DACH2: variants seen among roughly 807,000 people sequenced by gnomAD.
DACH2 encodes the protein dachshund family transcription factor 2.
DACH2 carries 17 observed loss-of-function variants against 35.8 expected under a neutral mutation model. The observed-to-expected ratio is 0.48, with a 90% CI of 0.33 to 0.71. DACH2 has a LOEUF of 0.71. Among genes scored for constraint, DACH2 ranks in the 30% least tolerant of loss-of-function variants. The pLI is 0.02. For synonymous variants in DACH2, 195 were observed against 177.3 expected (o/e 1.10, Z -0.79); for missense variants, 469 against 472.7 (o/e 0.99, Z 0.07).
chrX:86,784,279 A>G (rs754726920), intron 7 of DACH2, among the ~76,000 whole-genome samples: 1 of 102,437 alleles, frequency 9.8e-6, no homozygotes, highest in East Asian at 3.5e-4. Context: ...AGATTAAGAA[A>G]CCAAAAACAA....
chrX:86,756,138 T>C (rs2041826858), intron 7 of DACH2, among the ~76,000 whole-genome samples: 2 of 111,488 alleles, frequency 1.8e-5, no homozygotes, highest in Admixed American at 9.6e-5. Flanking sequence ...TTGGCTACTA[T>C]AGCCTTGTAA....
chrX:86,263,838 T>A lies in DACH2; in HGVS notation c.489-112986T>A, dbSNP rs766835407. ...GGTAGAAACCCAGACTGGGACCTTT[T>A]TTAAGGCATGCAGAAAACAATTAGG... On this transcript the variant is annotated intron_variant, in intron 1 of 11. Coordinates refer to ENST00000373125, the MANE Select transcript of DACH2 (RefSeq NM_053281.3). Among the ~76,000 whole-genome samples, 15 of 111,973 alleles carry A rather than the reference T, an allele frequency of 1.3e-4. No homozygotes were observed. In the Admixed American group the frequency reaches 1.4e-3, roughly 11 times the overall value.
At chrX:86,355,665 A>G (rs745576375) in intron 1 of DACH2, among the ~76,000 whole-genome samples, 21 of 111,544 alleles carry the variant, frequency 1.9e-4, no homozygotes, top group Non-Finnish European at 3.4e-4. Flanking sequence ...AGTAGCTGGG[A>G]CTACAGGTGC....
chrX:86,426,201 G>T (rs987732104), intron 2 of DACH2, among the ~76,000 whole-genome samples: 1 of 111,186 alleles, frequency 9.0e-6, no homozygotes, highest in Non-Finnish European at 1.9e-5. Flanking sequence ...TAGTATTAAA[G>T]TTGTCACTGC....
chrX:86,388,660 T>A (rs2036156320), intron 2 of DACH2, among the ~76,000 whole-genome samples: 1 of 111,864 alleles, frequency 8.9e-6, no homozygotes, highest in African/African-American at 3.2e-5. Context: ...ATTCTAGGCT[T>A]TGGGATTAGT....
intron 1 of DACH2, among the ~76,000 whole-genome samples, chrX:86,216,910 C>T (rs759352265): frequency 1.8e-5 from 2 of 110,308 alleles, no homozygotes; most frequent in East Asian, 2.9e-4. Context: ...GCCTGGCCAA[C>T]GTAGCGAAAC....
chrX:86,538,525 G>C (rs921328461), intron 3 of DACH2, among the ~76,000 whole-genome samples: 5 of 111,755 alleles, frequency 4.5e-5, no homozygotes, highest in African/African-American at 9.8e-5. Flanking sequence ...GGTAATTTAT[G>C]ATGAGCAGAA....
At chrX:86,792,557 A>G (rs140532202) in intron 7 of DACH2, among the ~76,000 whole-genome samples, 5 of 111,584 alleles carry the variant, frequency 4.5e-5, no homozygotes, top group African/African-American at 1.6e-4. Flanking sequence ...GCCTCTGATA[A>G]CTATCATTCT....
intron 2 of DACH2, among the ~76,000 whole-genome samples, chrX:86,419,008 A>G (rs1202084261): frequency 9.0e-6 from 1 of 111,372 alleles, no homozygotes; most frequent in Non-Finnish European, 1.9e-5. Flanking sequence ...AAAACATAAC[A>G]AGGGTTGCCT....
chrX:86,361,502 C>T (rs2035739151), intron 1 of DACH2, among the ~76,000 whole-genome samples: 1 of 111,022 alleles, frequency 9.0e-6, no homozygotes, highest in Non-Finnish European at 1.9e-5. Context: ...GTAAGGTTAT[C>T]ATTCATTCTG....
At chrX:86,434,370 CT>C (rs1409626082) in intron 2 of DACH2, among the ~76,000 whole-genome samples, 2 of 111,226 alleles carry the variant, frequency 1.8e-5, no homozygotes, top group African/African-American at 6.5e-5. Flanking sequence ...TAAAGTGTAC[CT>C]TTTTAAAATG....
intron 7 of DACH2, among the ~76,000 whole-genome samples, chrX:86,754,572 C>A (rs767994311): frequency 9.1e-6 from 1 of 110,351 alleles, no homozygotes; most frequent in Non-Finnish European, 1.9e-5. Context: ...CTTCATACCC[C>A]GCTCCCACCC....
intron 2 of DACH2, among the ~76,000 whole-genome samples, chrX:86,410,358 G>A (rs185390866): frequency 5.4e-5 from 6 of 112,049 alleles, no homozygotes; most frequent in Admixed American, 3.8e-4. Flanking sequence ...AATCATGACA[G>A]CTTTCTTTAA....
chrX:86,267,018 A>T (rs535439303), intron 1 of DACH2, among the ~76,000 whole-genome samples: 51 of 112,061 alleles, frequency 4.6e-4, no homozygotes, highest in African/African-American at 1.6e-3. Flanking sequence ...AGCCAGATTT[A>T]AATCAATTTA....
chrX:86,815,272 A>G (rs745647928), intron 10 of DACH2, among the ~76,000 whole-genome samples: 19 of 111,409 alleles, frequency 1.7e-4, no homozygotes, highest in Non-Finnish European at 3.0e-4. Context: ...GGTTGAAAAA[A>G]CATGTTCTAA....
At chrX:86,661,311 T>A in intron 4 of DACH2, among the ~76,000 whole-genome samples, 1 of 112,444 alleles carries the variant, frequency 8.9e-6, no homozygotes, top group Non-Finnish European at 1.9e-5. Flanking sequence ...AGAAATCCTG[T>A]ACCCATTAGG....
At chrX:86,482,644 G>A (rs1187120249) in intron 2 of DACH2, among the ~76,000 whole-genome samples, 2 of 107,535 alleles carry the variant, frequency 1.9e-5, no homozygotes, top group Admixed American at 2.0e-4. Context: ...CTAGTTTACA[G>A]TCCCACCAAC....
intron 7 of DACH2, among the ~76,000 whole-genome samples, chrX:86,780,876 A>G (rs1194233571): frequency 1.8e-5 from 2 of 111,187 alleles, no homozygotes; most frequent in African/African-American, 6.6e-5. Flanking sequence ...AGGGGAGGCC[A>G]TAATTGTTGC....
chrX:86,656,826 T>C (rs1222584306), intron 4 of DACH2, among the ~76,000 whole-genome samples: 9 of 94,751 alleles, frequency 9.5e-5, no homozygotes, highest in African/African-American at 3.5e-4. Context: ...ATAAAATACA[T>C]ACATATGTAT....
Sources: gnomAD v4.1 joint callset for allele counts (sites outside exome capture counted in the v4.1 genomes callset) on GRCh38, gnomAD v4.1.1 for gene constraint, MANE v1.5 for transcripts, NCBI Gene and HGNC (gene_info 2026-07-23, HGNC 2026-07-21) for gene names.